AP4E1: variants seen among roughly 807,000 people sequenced by gnomAD.
The protein encoded by AP4E1 is adaptor related protein complex 4 subunit epsilon 1.
Under a neutral mutation model 128.2 loss-of-function variants are expected in AP4E1, and 56 were observed. That is an observed-to-expected ratio of 0.44 (90% CI 0.35 to 0.55). The LOEUF is 0.55. Ranked by LOEUF, AP4E1 falls within the 20% of genes least tolerant of loss-of-function variation. The pLI is 0.00. For synonymous variants in AP4E1, 484 were observed against 473.1 expected (o/e 1.02, Z -0.30); for missense variants, 1,324 against 1,307.7 (o/e 1.01, Z -0.19).
At chr15:50,907,774 A>C (rs201522912), upstream of AP4E1, among the ~76,000 whole-genome samples, 2 of 152,222 alleles carry the variant, frequency 1.3e-5, no homozygotes, top group East Asian at 3.8e-4. Context: ...TGTTGTTTTG[A>C]CTTTGTGAAT....
intron 6 of AP4E1, 55 bp downstream of exon 6, chr15:50,929,223 A>C: frequency 6.4e-7 from 1 of 1,551,276 alleles, no homozygotes; most frequent in African/African-American, 1.4e-5. Context: ...AAATACAATT[A>C]TGGAATTAAA....
chr15:50,961,931 A>G (rs2064320408), intron 14 of AP4E1, among the ~76,000 whole-genome samples: 1 of 152,072 alleles, frequency 6.6e-6, no homozygotes, highest in African/African-American at 2.4e-5. Context: ...TCAACATACA[A>G]AAATCAGTAG....
At chr15:50,914,361 G>C (rs1437530013) in intron 2 of AP4E1, among the ~76,000 whole-genome samples, 2 of 151,936 alleles carry the variant, frequency 1.3e-5, no homozygotes, top group African/African-American at 4.8e-5. Context: ...TATTAAAATA[G>C]TCTATGTGGA....
At chr15:50,972,272 C>G (rs2064490239) in intron 15 of AP4E1, among the ~76,000 whole-genome samples, 1 of 152,032 alleles carries the variant, frequency 6.6e-6, no homozygotes, top group Non-Finnish European at 1.5e-5. Flanking sequence ...AGTGCGGTGG[C>G]ATGATCTTGG....
chr15:50,968,095 C>T (rs1431957771), intron 14 of AP4E1, among the ~76,000 whole-genome samples, 168 bp from the exon 15 acceptor site: 3 of 152,200 alleles, frequency 2.0e-5, no homozygotes, highest in Non-Finnish European at 2.9e-5. Context: ...TCTGGGATTA[C>T]AGTCATGAGC....
intron 16 of AP4E1, 81 bp downstream of exon 16, chr15:50,984,226 C>A: frequency 6.7e-7 from 1 of 1,491,140 alleles, no homozygotes; most frequent in Non-Finnish European, 9.3e-7. Flanking sequence ...CTGCTCCTGC[C>A]TCATATCATC....
chr15:50,990,103 A>AG (rs1215798750), intron 16 of AP4E1, among the ~76,000 whole-genome samples: 1 of 152,112 alleles, frequency 6.6e-6, no homozygotes, highest in Non-Finnish European at 1.5e-5. Context: ...AGTCTTTTGA[A>AG]GGTTAGTTAC....
intron 16 of AP4E1, among the ~76,000 whole-genome samples, chr15:50,987,421 C>T (rs1410984118): frequency 2.0e-5 from 3 of 152,186 alleles, no homozygotes; most frequent in Admixed American, 6.5e-5. Context: ...ATCTTTCCTG[C>T]TTTCTCTTGT....
intron 5 of AP4E1, among the ~76,000 whole-genome samples, chr15:50,926,078 A>G (rs1301736018): frequency 6.6e-6 from 1 of 151,934 alleles, no homozygotes; most frequent in African/African-American, 2.4e-5. Flanking sequence ...TTTTCACTGT[A>G]TTTGAATTAT....
intron 13 of AP4E1, among the ~76,000 whole-genome samples, chr15:50,954,806 T>A (rs2064194069): frequency 6.6e-6 from 1 of 152,138 alleles, no homozygotes; most frequent in Non-Finnish European, 1.5e-5. Flanking sequence ...TAACTCGTCA[T>A]TTACATTAGG....
intron 13 of AP4E1, among the ~76,000 whole-genome samples, chr15:50,953,620 T>C (rs1427807406): frequency 6.6e-6 from 1 of 152,212 alleles, no homozygotes; most frequent in African/African-American, 2.4e-5. Flanking sequence ...ATTATTGCAG[T>C]GCTTATATTG....
chr15:50,979,153 G>A (rs2064602809), intron 15 of AP4E1, among the ~76,000 whole-genome samples: 2 of 152,086 alleles, frequency 1.3e-5, no homozygotes, highest in Admixed American at 6.6e-5. Context: ...CACTGTTACT[G>A]GAAGTGTTAA....
At chr15:50,923,259 T>TA (rs2063728296) in intron 3 of AP4E1, among the ~76,000 whole-genome samples, 5 of 152,240 alleles carry the variant, frequency 3.3e-5, no homozygotes, top group Non-Finnish European at 7.3e-5. Context: ...TACATGGCAT[T>TA]TGTTATAGTG....
At chr15:50,950,755 C>T (rs985368361) in intron 13 of AP4E1, among the ~76,000 whole-genome samples, 3 of 152,106 alleles carry the variant, frequency 2.0e-5, no homozygotes, top group Non-Finnish European at 2.9e-5. Context: ...AGCTCTTCTT[C>T]CTAAAGCTCT....
At chr15:50,947,958 T>C (rs1596476204) in intron 10 of AP4E1, 62 bp from the exon 11 acceptor site, 1 of 1,294,754 alleles carries the variant, frequency 7.7e-7, no homozygotes, top group Non-Finnish European at 1.1e-6. Flanking sequence ...TTTATGTTAC[T>C]GTACTCATTG....
chr15:50,997,269 A>G, intron 17 of AP4E1, 57 bp from the exon 18 acceptor site: 5 of 1,424,570 alleles, frequency 3.5e-6, no homozygotes, highest in Non-Finnish European at 1.9e-6. Context: ...ATGAATGTTT[A>G]AAACTCATGA....
At chr15:50,946,023 G>A in intron 10 of AP4E1, 1 of 870,902 alleles carries the variant, frequency 1.1e-6, no homozygotes, top group East Asian at 2.5e-5. Flanking sequence ...CAATCCTGAT[G>A]TACAATTATT....
intron 10 of AP4E1, chr15:50,945,557 C>A: frequency 1.4e-6 from 1 of 740,528 alleles, no homozygotes; most frequent in South Asian, 1.5e-5. Flanking sequence ...GAGCTTGTGT[C>A]TGCTAGTTTC....
At chr15:50,980,656 A>G (rs1489354666) in intron 15 of AP4E1, among the ~76,000 whole-genome samples, 1 of 152,140 alleles carries the variant, frequency 6.6e-6, no homozygotes, top group Non-Finnish European at 1.5e-5. Context: ...CCTTCTCTTC[A>G]CAGGCTCGAG....
Sources: allele counts gnomAD v4.1 joint callset (sites outside exome capture counted in the v4.1 genomes callset), GRCh38; gene constraint gnomAD v4.1.1; transcripts MANE v1.5; gene names NCBI Gene and HGNC (gene_info 2026-07-23, HGNC 2026-07-21).